PGBD5: variants seen among roughly 807,000 people sequenced by gnomAD.
PGBD5 encodes the protein piggyBac transposable element-derived protein 5.
In PGBD5, 14 loss-of-function variants were observed where a neutral mutation model predicts 47.9. The ratio of observed to expected loss-of-function variants is 0.29; its 90% CI spans 0.19 to 0.46. The LOEUF (loss-of-function observed/expected upper bound fraction) is 0.46, where lower values mean the gene tolerates loss of function less well. PGBD5 is among the 20% of genes least tolerant of loss of function. The probability of loss-of-function intolerance (pLI) is 1.00; values close to 1 mark genes in which losing one functional copy is unlikely to be tolerated. For missense variants in PGBD5, 635 were observed against 716.0 expected, an observed-to-expected ratio of 0.89 and a Z score of 1.29; for synonymous variants, 316 against 306.3, an observed-to-expected ratio of 1.03 and a Z score of -0.33.
At chr1:230,367,526 A>G (rs998567794) in intron 1 of PGBD5, among the ~76,000 whole-genome samples, 11 of 151,824 alleles carry the variant, frequency 7.2e-5, no homozygotes, top group African/African-American at 2.7e-4. Flanking sequence ...AGATAGTGAT[A>G]CCCCATCTCT....
intron 1 of PGBD5, among the ~76,000 whole-genome samples, chr1:230,359,766 C>A (rs1375434792): frequency 6.6e-6 from 1 of 152,222 alleles, no homozygotes; most frequent in East Asian, 1.9e-4. Context: ...ATATCATCAA[C>A]AGAAATTCAT....
At chr1:230,404,477 C>T (rs945688119) in intron 1 of PGBD5, among the ~76,000 whole-genome samples, 1 of 151,612 alleles carries the variant, frequency 6.6e-6, no homozygotes, top group African/African-American at 2.4e-5. Context: ...TGGTGGCGCG[C>T]ACCTGTGGTC....
chr1:230,371,222 ATTTT>A (rs895264312), intron 1 of PGBD5, among the ~76,000 whole-genome samples: 3 of 151,916 alleles, frequency 2.0e-5, no homozygotes, highest in African/African-American at 7.3e-5. Context: ...TGGCAATTCT[ATTTT>A]TTTTCTAAGC....
At chr1:230,348,817 T>A (rs905738948) in intron 3 of PGBD5, among the ~76,000 whole-genome samples, 1 of 152,360 alleles carries the variant, frequency 6.6e-6, no homozygotes, top group East Asian at 1.9e-4. Context: ...AAAGTTCTCA[T>A]GCCAGTCCTG....
intron 1 of PGBD5, among the ~76,000 whole-genome samples, chr1:230,371,065 G>A (rs529425246): frequency 6.6e-6 from 1 of 152,256 alleles, no homozygotes; most frequent in East Asian, 1.9e-4. Context: ...CACTTCAAAA[G>A]GAAGACTGAT....
chr1:230,370,397 T>C (rs828439), intron 1 of PGBD5, among the ~76,000 whole-genome samples: 108,648 of 152,048 alleles, frequency 0.71, 39,244 homozygotes, highest in Non-Finnish European at 0.74. Context: ...CCAGAAGTGT[T>C]GCCAAGGGAA....
At chr1:230,385,858 T>C (rs1293272757) in intron 1 of PGBD5, among the ~76,000 whole-genome samples, 1 of 152,150 alleles carries the variant, frequency 6.6e-6, no homozygotes, top group Non-Finnish European at 1.5e-5. Flanking sequence ...GAGTGTTCCC[T>C]CAAGCAGCAG....
intron 1 of PGBD5, among the ~76,000 whole-genome samples, chr1:230,419,029 C>T (rs1657587443): frequency 6.6e-6 from 1 of 152,214 alleles, no homozygotes; most frequent in African/African-American, 2.4e-5. Flanking sequence ...TGAAAGTGAA[C>T]AATTTGACCC....
At position 230,318,105 on chromosome 1, in the gene PGBD5, C is replaced by T. The variant is rs12134993; in HGVS notation, c.*5320G>A. The T allele has an allele frequency of 0.022, 3,410 of 152,320 alleles. 62 individuals carry two copies. The highest frequency in any genetic ancestry group is 0.067 in the South Asian group (325 of 4,824). The allele number at this position is 152,320 out of a possible 1,614,324, so 9.4% of individuals were successfully genotyped here. ...CCTGGGCTGCTGGAGAACTGGGGTGCGCACTGGGCACCCCAGGGAGGGAGG... is the reference window on the plus strand; with the variant it reads ...CCTGGGCTGCTGGAGAACTGGGGTGTGCACTGGGCACCCCAGGGAGGGAGG... On this transcript the variant is annotated 3_prime_UTR_variant, in exon 7 of 7. Transcript: ENST00000391860.
Position 230,337,092 on chromosome 1 carries a change from T to G in PGBD5, c.1075+16A>C. The G allele has an allele frequency of 6.2e-7, 1 of 1,611,074 alleles. No homozygotes were observed. Among genetic ancestry groups the G allele is most frequent in the Non-Finnish European group, 8.5e-7 (1 of 1,177,788 alleles). Reference sequence around the variant, plus strand: ...GAGGCTGGGCCGTATCCTCACTGGCTCCCCACTTGACTAACCTTGCTTCTC... The same window carrying G: ...GAGGCTGGGCCGTATCCTCACTGGCGCCCCACTTGACTAACCTTGCTTCTC... On this transcript the variant is annotated intron_variant, in intron 4 of 6. Coordinates refer to ENST00000391860, the MANE Select transcript of PGBD5 (RefSeq NM_001258311.2).
chr1:230,356,356 G>T (rs928185794), intron 2 of PGBD5, among the ~76,000 whole-genome samples: 35 of 152,278 alleles, frequency 2.3e-4, no homozygotes, highest in Admixed American at 1.2e-3. Flanking sequence ...GGAATTGGTT[G>T]GGGAAGGTAT....
intron 1 of PGBD5, among the ~76,000 whole-genome samples, chr1:230,367,106 A>G (rs994855486): frequency 6.6e-6 from 1 of 151,722 alleles, no homozygotes; most frequent in African/African-American, 2.4e-5. Flanking sequence ...ACGACTTCTC[A>G]GCTTTCTCCC....
At chr1:230,377,610 G>T in intron 1 of PGBD5, 1 of 1,553,116 alleles carries the variant, frequency 6.4e-7, no homozygotes, top group Non-Finnish European at 8.7e-7. Flanking sequence ...CTCGAGTTCT[G>T]TAGTCAGGCA....
At chr1:230,404,629 A>AAAT (rs1657253177) in intron 1 of PGBD5, among the ~76,000 whole-genome samples, 1 of 108,470 alleles carries the variant, frequency 9.2e-6, no homozygotes, top group Non-Finnish European at 1.8e-5. Flanking sequence ...AAAAAAAAAA[A>AAAT]ATATATATAT....
chr1:230,350,670 G>C, intron 3 of PGBD5, among the ~76,000 whole-genome samples: 1 of 152,286 alleles, frequency 6.6e-6, no homozygotes, highest in East Asian at 1.9e-4. Flanking sequence ...ACATTGCTAC[G>C]GCCTGAGCCT....
intron 1 of PGBD5, among the ~76,000 whole-genome samples, chr1:230,401,414 C>T (rs1029999285): frequency 3.3e-5 from 5 of 152,180 alleles, no homozygotes; most frequent in African/African-American, 1.2e-4. Context: ...GAACTCCCAG[C>T]TTGTCACATG....
intron 3 of PGBD5, among the ~76,000 whole-genome samples, chr1:230,345,213 G>A (rs193130814): frequency 3.9e-5 from 6 of 152,188 alleles, no homozygotes; most frequent in Admixed American, 1.3e-4. Flanking sequence ...CTGGAGCCTC[G>A]ATCTTTTTGA....
chr1:230,362,500 T>C (rs901196029), intron 1 of PGBD5: 1 of 1,175,470 alleles, frequency 8.5e-7, no homozygotes, highest in African/African-American at 1.6e-5. Context: ...GGCTCCAGCT[T>C]CATGAAGCAT....
In PGBD5 at chr1:230,425,980, A is replaced by T; in HGVS notation, c.-52T>A. 1.1e-6 allele frequency: 1 copy of T among 873,020 alleles called. No homozygotes were observed. Among genetic ancestry groups the T allele is most frequent in the Non-Finnish European group, 1.4e-6 (1 of 736,842 alleles). 54.1% of individuals were successfully genotyped at this position (873,020 alleles called of 1,614,324 possible). ...CCCCCACAGTGCCTCCCAGCCGCACACGCCGGGCCCTGGGCCCGCGCCGCG... is the reference window on the plus strand; with the variant it reads ...CCCCCACAGTGCCTCCCAGCCGCACTCGCCGGGCCCTGGGCCCGCGCCGCG... On this transcript the variant is annotated 5_prime_UTR_variant, in exon 1 of 7. Coordinates refer to ENST00000391860, the MANE Select transcript of PGBD5 (RefSeq NM_001258311.2). This position sits in a 1 kb window ranked among gnomAD's most constrained non-coding sequence, Gnocchi z 4.7.
Sources: gnomAD v4.1 joint callset for allele counts (sites outside exome capture counted in the v4.1 genomes callset) on GRCh38, gnomAD v4.1.1 for gene constraint, Gnocchi (gnomAD v3.1) non-coding constraint, MANE v1.5 for transcripts, NCBI Gene and HGNC (gene_info 2026-07-23, HGNC 2026-07-21) for gene names.